PLXND1: variants seen among roughly 807,000 people sequenced by gnomAD.
PLXND1 encodes the protein plexin D1.
A neutral mutation model predicts 197.7 loss-of-function variants in PLXND1; 54 were observed. The ratio of observed to expected loss-of-function variants is 0.27; its 90% CI spans 0.22 to 0.34. The LOEUF (loss-of-function observed/expected upper bound fraction) is 0.34. Ranked by LOEUF, PLXND1 falls within the 10% of genes least tolerant of loss-of-function variation. The pLI is 1.00. For synonymous variants in PLXND1, 1,180 were observed against 1,161.2 expected (o/e 1.02, Z -0.33); for missense variants, 2,127 against 2,699.2 (o/e 0.79, Z 4.70).
chr3:129,556,382 A>G lies in PLXND1; in HGVS notation c.5708T>C (p.Leu1903Pro). ...CACCACCTGCTCAAACTTGTGCTGC[A>G]GTTGTGTCCTCCGGGCCGTGGGGTT... ...EANPTARRTQ[L>P]QHKFEQVVAL... The change falls in exon 36 of 36, where the codon CTG (leucine) becomes CCG (proline). Residue 1903 changes from leucine (L) to proline (P), a missense_variant. Physicochemically the swap from Leu to Pro is moderately conservative, Grantham distance 98. Coordinates refer to ENST00000324093, the MANE Select transcript of PLXND1 (RefSeq NM_015103.3). 1 of 1,614,170 alleles carries G rather than the reference A, an allele frequency of 6.2e-7. No individual in the cohort carries two copies. Among genetic ancestry groups the G allele is most frequent in the Non-Finnish European group, 8.5e-7 (1 of 1,180,014 alleles).
rs1380889992 is a variant in PLXND1, at chr3:129,591,232, C to T, written c.1312-1705G>A. On this transcript the variant is annotated intron_variant, in intron 1 of 35. Coordinates refer to ENST00000324093, the MANE Select transcript of PLXND1 (RefSeq NM_015103.3). ...TCTTCCGGAGGATGACGGCGGGTGA[C>T]CCAGGCAAGGCACTTCGCCTCTGAG... The T allele has an allele frequency of 2.6e-5, 4 of 152,240 alleles. No individual in the cohort carries two copies. In the East Asian group the frequency reaches 7.7e-4, roughly 29 times the overall value. 9.4% of individuals were successfully genotyped at this position (152,240 alleles called of 1,614,324 possible).
chr3:129,598,304 G>C (rs990431836), intron 1 of PLXND1, among the ~76,000 whole-genome samples: 1 of 152,098 alleles, frequency 6.6e-6, no homozygotes, highest in Non-Finnish European at 1.5e-5. Flanking sequence ...TGATGAGCTG[G>C]TTAGTGTGTG....
chr3:129,576,717 T>C (rs749444755), intron 9 of PLXND1, among the ~76,000 whole-genome samples: 1 of 152,168 alleles, frequency 6.6e-6, no homozygotes, highest in Non-Finnish European at 1.5e-5. Flanking sequence ...TTGGTTTTCC[T>C]ACCTGGACAA....
intron 2 of PLXND1, 80 bp from the exon 3 acceptor site, chr3:129,586,799 T>C: frequency 3.3e-6 from 5 of 1,492,794 alleles, no homozygotes; most frequent in Non-Finnish European, 3.6e-6. Flanking sequence ...AGCCCGGGTC[T>C]GGGGGCTCTG....
At chr3:129,599,065 G>A (rs2085668197) in intron 1 of PLXND1, among the ~76,000 whole-genome samples, 1 of 152,180 alleles carries the variant, frequency 6.6e-6, no homozygotes, top group Non-Finnish European at 1.5e-5. Flanking sequence ...CTCCAGGGTC[G>A]GAGAACGGAG....
chr3:129,589,653 C>A, intron 1 of PLXND1, 126 bp from the exon 2 acceptor site: 1 of 814,248 alleles, frequency 1.2e-6, no homozygotes. Flanking sequence ...TTTATATCCT[C>A]AGTGCTCAGC....
intron 1 of PLXND1, among the ~76,000 whole-genome samples, chr3:129,602,715 G>C (rs1454338276): frequency 1.3e-5 from 2 of 152,164 alleles, no homozygotes; most frequent in Non-Finnish European, 2.9e-5. Context: ...TGCTCTCCAG[G>C]ACCAAGCAGA....
chr3:129,604,313 C>A (rs1216973040), intron 1 of PLXND1, among the ~76,000 whole-genome samples: 1 of 152,222 alleles, frequency 6.6e-6, no homozygotes, highest in East Asian at 1.9e-4. Flanking sequence ...AAAACACACG[C>A]ACTCTGAGAT....
chr3:129,582,579 G>A (rs2085401270), intron 8 of PLXND1, among the ~76,000 whole-genome samples: 1 of 151,614 alleles, frequency 6.6e-6, no homozygotes, highest in Admixed American at 6.6e-5. Flanking sequence ...TCAGGACCCT[G>A]GCACATCCCA....
chr3:129,561,781 G>A lies in PLXND1; in HGVS notation c.4929+19C>T, dbSNP rs754260371. 1 of 1,581,302 alleles carries A rather than the reference G, an allele frequency of 6.3e-7. No homozygotes were observed. The highest frequency in any genetic ancestry group is 8.7e-7 in the Non-Finnish European group (1 of 1,152,928). ...GGGGCATGAGGGTGGGGAAATGGGG[G>A]CGGGGGGCAGGGCTGCACCTTGTAA... On this transcript the variant is annotated intron_variant, in intron 28 of 35. Coordinates refer to ENST00000324093, the MANE Select transcript of PLXND1 (RefSeq NM_015103.3).
intron 34 of PLXND1, 143 bp from the exon 35 acceptor site, chr3:129,556,834 T>C (rs1025486932): frequency 5.5e-6 from 4 of 722,176 alleles, no homozygotes; most frequent in Non-Finnish European, 9.4e-6. Flanking sequence ...TCAAGTCCCA[T>C]GGACGAAGAC....
chr3:129,600,806 C>T (rs2085696596), intron 1 of PLXND1, among the ~76,000 whole-genome samples: 1 of 151,970 alleles, frequency 6.6e-6, no homozygotes, highest in South Asian at 2.1e-4. Context: ...TCCGCCCCCA[C>T]CTGGCATCTC....
intron 2 of PLXND1, 41 bp downstream of exon 2, chr3:129,589,310 T>TGCCCCCCCCC: frequency 2.0e-6 from 1 of 501,292 alleles, no homozygotes. Context: ...CAGGGGAGCC[T>TGCCCCCCCCC]CCCACCCCCA....
chr3:129,578,768 T>C (rs573942955), intron 8 of PLXND1, among the ~76,000 whole-genome samples: 1 of 152,262 alleles, frequency 6.6e-6, no homozygotes, highest in East Asian at 1.9e-4. Context: ...CTCCTCCCTG[T>C]CTCTGGGCCT....
Position 129,563,234 on chromosome 3 carries a change from C to T in PLXND1, c.4528G>A (p.Val1510Met). 1.2e-6 allele frequency: 2 copies of T among 1,610,756 alleles called. No individual in the cohort carries two copies. Among genetic ancestry groups the T allele is most frequent in the Non-Finnish European group, 1.7e-6 (2 of 1,178,524 alleles). Residue 1510 changes from valine (V) to methionine (M), a missense_variant, in exon 26 of 36, where the codon GTG (valine) becomes ATG (methionine). Physicochemically the swap from Val to Met is conservative, Grantham distance 21 (BLOSUM62 1). This residue lies in a region of PLXND1 where 532 missense variants were observed against 811.0 expected (regional missense o/e 0.66). Coordinates refer to ENST00000324093, the MANE Select transcript of PLXND1 (RefSeq NM_015103.3). ...AGCAGCAGGAAGAATGGCTCCCCCA[C>T]CGTCTCCTGAGGGGCACGGGGGTAT... Reference protein sequence around the residue: ...ICMYSCLRETVGEPFFLLLCA... With the variant: ...ICMYSCLRETMGEPFFLLLCA...
intron 35 of PLXND1, 32 bp from the exon 36 acceptor site, chr3:129,556,460 G>T (rs768957523): frequency 6.4e-7 from 1 of 1,557,354 alleles, no homozygotes. Context: ...GCCGGGCCAT[G>T]GCCGGTAGCC....
In PLXND1 at chr3:129,571,156, C is replaced by A. The variant is rs778884287; in HGVS notation, c.3484G>T (p.Ala1162Ser). Residue 1162 changes from alanine to serine, a missense_variant, in exon 18 of 36, where the codon GCA (alanine) becomes TCA (serine). Ala to Ser is a moderately conservative substitution (Grantham distance 99). Transcript: ENST00000324093. ...VAEELLDPEE[A>S]QRGSRFRLDY... ...AGGCGGAACCTGCTGCCCCGCTGTG[C>A]CTCCTCGGGGTCCAGTAGCTCCTCA... 33 of 1,614,206 alleles carry A rather than the reference C, an allele frequency of 2.0e-5. No homozygotes were observed. The highest frequency in any genetic ancestry group is 2.7e-5 in the Non-Finnish European group (32 of 1,180,034).
At chr3:129,599,523 G>C (rs2085676806) in intron 1 of PLXND1, among the ~76,000 whole-genome samples, 1 of 152,186 alleles carries the variant, frequency 6.6e-6, no homozygotes, top group Admixed American at 6.5e-5. Flanking sequence ...TCACCCTCCT[G>C]GGTGGACCAT....
chr3:129,591,625 G>C (rs889319978), intron 1 of PLXND1: 3 of 152,200 alleles, frequency 2.0e-5, no homozygotes, highest in African/African-American at 7.2e-5. Context: ...ATACTATTGT[G>C]TTTCAGACAT....
Sources: gnomAD v4.1 joint callset for allele counts (sites outside exome capture counted in the v4.1 genomes callset) on GRCh38, gnomAD v4.1.1 for gene constraint, gnomAD v4.1.1 regional missense constraint, MANE v1.5 for transcripts, NCBI Gene and HGNC (gene_info 2026-07-23, HGNC 2026-07-21) for gene names.